KCNT1: variants seen among roughly 807,000 people sequenced by gnomAD.
KCNT1 encodes potassium channel subfamily T member 1.
Under a neutral mutation model 147.8 loss-of-function variants are expected in KCNT1, and 78 were observed. That is an observed-to-expected ratio of 0.53 (90% CI 0.44 to 0.64). The LOEUF is 0.64. Ranked by LOEUF, KCNT1 falls within the 30% of genes least tolerant of loss-of-function variation. The pLI, the probability that KCNT1 is intolerant of heterozygous loss-of-function variation, is 0.00. For missense variants in KCNT1, 1,419 were observed against 1,750.3 expected (o/e 0.81, Z 3.38); for synonymous variants, 867 against 748.8 (o/e 1.16, Z -2.58).
intron 27 of KCNT1, 103 bp downstream of exon 27, chr9:135,784,992 G>A: frequency 1.3e-6 from 2 of 1,496,784 alleles, no homozygotes; most frequent in Non-Finnish European, 1.8e-6. Flanking sequence ...CCCCTGTCCT[G>A]TGTGACCCAC....
chr9:135,769,024 C>A, intron 15 of KCNT1, 87 bp downstream of exon 15: 1 of 990,738 alleles, frequency 1.0e-6, no homozygotes, highest in Non-Finnish European at 1.5e-6. Context: ...GGGCAGGGCG[C>A]ATGTGCACAT....
intron 2 of KCNT1, among the ~76,000 whole-genome samples, chr9:135,748,427 C>T (rs7020956): frequency 0.2 from 30,397 of 151,988 alleles, 3,412 homozygotes; most frequent in East Asian, 0.41. Flanking sequence ...TAATCACTTT[C>T]GGAGATGTTG....
intron 19 of KCNT1, among the ~76,000 whole-genome samples, chr9:135,774,233 TGTG>T (rs1436876139): frequency 6.7e-6 from 1 of 150,102 alleles, no homozygotes; most frequent in African/African-American, 2.5e-5. Flanking sequence ...GTGTGTTGTG[TGTG>T]GTGTGTGTCC....
intron 21 of KCNT1, among the ~76,000 whole-genome samples, chr9:135,777,764 C>G (rs924033231): frequency 6.6e-6 from 1 of 150,612 alleles, no homozygotes; most frequent in African/African-American, 2.4e-5. Flanking sequence ...CTCCTGGGTC[C>G]TCCCTGCTCC....
intron 15 of KCNT1, among the ~76,000 whole-genome samples, chr9:135,769,641 A>G (rs1214285134): frequency 1.3e-5 from 2 of 152,118 alleles, no homozygotes; most frequent in Non-Finnish European, 2.9e-5. Flanking sequence ...CCAGGTGCCC[A>G]GGGGACAGGG....
intron 11 of KCNT1, among the ~76,000 whole-genome samples, chr9:135,760,423 C>T (rs1327274654): frequency 6.6e-6 from 1 of 152,202 alleles, no homozygotes; most frequent in East Asian, 1.9e-4. Context: ...GCACCCCAGC[C>T]CACCCTGGAG....
rs754710124 is a variant in KCNT1, at chr9:135,752,917, TGATG to T, written c.435-1005_435-1002del. Among the ~76,000 whole-genome samples, 87 of 144,230 alleles carry T rather than the reference TGATG, an allele frequency of 6.0e-4. No homozygotes were observed. Among genetic ancestry groups the T allele is most frequent in the Non-Finnish European group, 1.0e-3 (66 of 66,166 alleles). 94.6% of individuals were successfully genotyped at this position (144,230 alleles called of 152,430 possible). On this transcript the variant is annotated intron_variant, in intron 4 of 30. Coordinates refer to ENST00000371757, the MANE Select transcript of KCNT1 (RefSeq NM_020822.3). This position sits in a 1 kb window ranked among gnomAD's most constrained non-coding sequence, Gnocchi z 5.1. ...AAGGATGGAGGGATGAGTGGATGGA[TGATG>T]GATGGATGGATGGACAGATAAGTAG...
At chr9:135,734,227 G>A (rs1830241743) in intron 2 of KCNT1, among the ~76,000 whole-genome samples, 1 of 152,176 alleles carries the variant, frequency 6.6e-6, no homozygotes, top group African/African-American at 2.4e-5. Flanking sequence ...CATGGGAGCA[G>A]AAAGTGCTGG....
chr9:135,777,208 AGGGCTGT>A, intron 20 of KCNT1, 123 bp from the exon 21 acceptor site: 1 of 947,004 alleles, frequency 1.1e-6, no homozygotes, highest in Non-Finnish European at 1.6e-6. Flanking sequence ...AGGCCGTGAA[AGGGCTGT>A]GGGCCGAGAG....
chr9:135,727,602 C>T (rs1032574933), intron 2 of KCNT1, among the ~76,000 whole-genome samples: 3 of 152,120 alleles, frequency 2.0e-5, no homozygotes, highest in Non-Finnish European at 4.4e-5. Context: ...GGACCTCTTC[C>T]ATGCCTGGTG....
chr9:135,702,387 T>C lies in KCNT1; in HGVS notation c.110+19T>C. The C allele has an allele frequency of 2.5e-6, 4 of 1,586,446 alleles. No homozygotes were observed. The highest frequency in any genetic ancestry group is 3.4e-6 in the Non-Finnish European group (4 of 1,162,366). ...CCCCCAGGTACAGTCTGCTGCGCCC[T>C]CCCCACGCGGGGAGGCCCCGGTCTA... On this transcript the variant is annotated intron_variant, in intron 1 of 30. Coordinates refer to ENST00000371757, the MANE Select transcript of KCNT1 (RefSeq NM_020822.3).
At chr9:135,764,979 GC>G in intron 11 of KCNT1, 51 bp from the exon 12 acceptor site, 1 of 1,558,118 alleles carries the variant, frequency 6.4e-7, no homozygotes, top group South Asian at 1.2e-5. Context: ...TTCACCGGGA[GC>G]CCTCGCTCCC....
At position 135,792,482 on chromosome 9, in the gene KCNT1, G is replaced by A. The variant is rs1834612479; in HGVS notation, c.*321G>A. On this transcript the variant is annotated 3_prime_UTR_variant, in exon 31 of 31. Transcript: ENST00000371757. ...AACGCAGGGACTGGACGCCCTACAG[G>A]GCCGAGCCCAGGCTGTGCTGGAGGG... 2 of 264,612 alleles carry A rather than the reference G, an allele frequency of 7.6e-6. No individual in the cohort carries two copies. 16.4% of individuals were successfully genotyped at this position (264,612 alleles called of 1,614,324 possible).
Position 135,786,483 on chromosome 9 carries a change from A to G in KCNT1, c.3464A>G (p.Asn1155Ser), listed in dbSNP as rs1283268556. The G allele has an allele frequency of 6.9e-6, 11 of 1,603,346 alleles. No homozygotes were observed. The highest frequency in any genetic ancestry group is 9.3e-6 in the Non-Finnish European group (11 of 1,176,544). ...CAGGAGCTCTCCGAGCTGGTGAAGAACCGCATGAAGCACCTGGGGCTGCCC... is the reference window on the plus strand; with the variant it reads ...CAGGAGCTCTCCGAGCTGGTGAAGAGCCGCATGAAGCACCTGGGGCTGCCC... ...ERQELSELVK[N>S]RMKHLGLPTT... is the part of the protein sequence containing the mutation. The change falls in exon 29 of 31, where the codon AAC becomes AGC. Residue 1155 changes from asparagine to serine, a missense_variant. By Grantham distance (46) the Asn-to-Ser change is conservative. Coordinates refer to ENST00000371757, the MANE Select transcript of KCNT1 (RefSeq NM_020822.3).
At chr9:135,717,654 C>T (rs759228498) in intron 2 of KCNT1, among the ~76,000 whole-genome samples, 2 of 152,200 alleles carry the variant, frequency 1.3e-5, no homozygotes, top group Non-Finnish European at 1.5e-5. Flanking sequence ...CCGCTCCTCA[C>T]GTGGACTCAG....
chr9:135,787,169 C>T (rs1000401568), intron 29 of KCNT1, among the ~76,000 whole-genome samples: 8 of 152,360 alleles, frequency 5.3e-5, no homozygotes, highest in Non-Finnish European at 1.2e-4. Context: ...GCCACTCCCA[C>T]GGCACAGCCC....
intron 20 of KCNT1, among the ~76,000 whole-genome samples, chr9:135,777,125 A>G (rs1833225491): frequency 6.6e-6 from 1 of 152,230 alleles, no homozygotes; most frequent in Admixed American, 6.5e-5. Context: ...CACCCCTGAC[A>G]TGACTGCTCT....
At chr9:135,732,040 A>AGAGAGAGAGAGAGAGG (rs1836504744) in intron 2 of KCNT1, among the ~76,000 whole-genome samples, 3 of 135,422 alleles carry the variant, frequency 2.2e-5, no homozygotes, top group Non-Finnish European at 3.2e-5. Context: ...AGAGAGAGAG[A>AGAGAGAGAGAGAGAGG]GGGAGTCTCA....
intron 12 of KCNT1, 133 bp downstream of exon 12, chr9:135,765,328 C>T (rs1832188975): frequency 2.4e-6 from 2 of 832,852 alleles, no homozygotes; most frequent in Admixed American, 4.9e-5. Context: ...GGGCAGATGC[C>T]TCCCTCCCGG....
Sources: gnomAD v4.1 joint callset for allele counts (sites outside exome capture counted in the v4.1 genomes callset) on GRCh38, gnomAD v4.1.1 for gene constraint, Gnocchi (gnomAD v3.1) non-coding constraint, MANE v1.5 for transcripts, NCBI Gene and HGNC (gene_info 2026-07-23, HGNC 2026-07-21) for gene names.